Variants in GABBR2 observed in about 807,000 individuals in gnomAD.
GABBR2 encodes gamma-aminobutyric acid type B receptor subunit 2.
GABBR2 carries 23 observed loss-of-function variants against 105.6 expected under a neutral mutation model. The ratio of observed to expected loss-of-function variants is 0.22; its 90% confidence interval spans 0.16 to 0.31. The LOEUF is 0.31. GABBR2 is among the 10% of genes least tolerant of loss of function. The pLI is 1.00. For missense variants in GABBR2, 734 were observed against 1,245.5 expected, an observed-to-expected ratio of 0.59 and a Z score of 6.18; for synonymous variants, 478 against 499.7, an observed-to-expected ratio of 0.96 and a Z score of 0.58.
At chr9:98,422,147 G>C (rs1334879659) in intron 7 of GABBR2, among the ~76,000 whole-genome samples, 3 of 136,928 alleles carry the variant, frequency 2.2e-5, no homozygotes, top group Non-Finnish European at 4.6e-5. Flanking sequence ...CAGAAAAATG[G>C]GTGAAGCATC....
chr9:98,380,631 C>T (rs1831956260), intron 11 of GABBR2, among the ~76,000 whole-genome samples: 1 of 152,218 alleles, frequency 6.6e-6, no homozygotes, highest in Non-Finnish European at 1.5e-5. Flanking sequence ...TCCAGGGAGA[C>T]AGCACGGGGT....
intron 1 of GABBR2, among the ~76,000 whole-genome samples, chr9:98,635,277 G>T (rs963583224): frequency 6.6e-6 from 1 of 152,190 alleles, no homozygotes; most frequent in Non-Finnish European, 1.5e-5. Context: ...CAGCCACTGA[G>T]GTTGGGTGGG....
intron 6 of GABBR2, among the ~76,000 whole-genome samples, chr9:98,462,522 C>G (rs1453745456): frequency 6.6e-6 from 1 of 152,130 alleles, no homozygotes; most frequent in Non-Finnish European, 1.5e-5. Flanking sequence ...AAAAGGGTAT[C>G]AAAATGGCCA....
intron 13 of GABBR2, among the ~76,000 whole-genome samples, chr9:98,317,170 C>T (rs1239003664): frequency 6.6e-6 from 1 of 152,220 alleles, no homozygotes; most frequent in Non-Finnish European, 1.5e-5. Context: ...TGATAAAATG[C>T]TCTTTCCTGC....
chr9:98,501,815 AT>A (rs1320404675), intron 3 of GABBR2, among the ~76,000 whole-genome samples: 1 of 152,102 alleles, frequency 6.6e-6, no homozygotes, highest in East Asian at 1.9e-4. Flanking sequence ...GAAGTCCCAC[AT>A]TTTTCATAAA....
At chr9:98,599,536 G>A (rs1219983389) in intron 1 of GABBR2, among the ~76,000 whole-genome samples, 2 of 152,250 alleles carry the variant, frequency 1.3e-5, no homozygotes, top group Non-Finnish European at 2.9e-5. Flanking sequence ...AGGGTGAGGG[G>A]CCAGTGTTTT....
chr9:98,589,569 C>T (rs898070055), intron 1 of GABBR2, among the ~76,000 whole-genome samples: 1 of 152,042 alleles, frequency 6.6e-6, no homozygotes, highest in African/African-American at 2.4e-5. Flanking sequence ...TTGAGAGAGA[C>T]AAGAAAAGAT....
intron 16 of GABBR2, among the ~76,000 whole-genome samples, chr9:98,301,327 C>T (rs1193181987): frequency 6.6e-6 from 1 of 152,234 alleles, no homozygotes; most frequent in Non-Finnish European, 1.5e-5. Flanking sequence ...TGGAGGCACC[C>T]AGCGGGTGCC....
chr9:98,518,446 G>A (rs72761519), intron 3 of GABBR2, among the ~76,000 whole-genome samples: 20,705 of 152,186 alleles, frequency 0.14, 1,717 homozygotes, highest in Middle Eastern at 0.19. Flanking sequence ...ATCCCCTTAA[G>A]TTTCGGACTT....
chr9:98,433,161 G>A (rs1448861576), intron 7 of GABBR2, among the ~76,000 whole-genome samples: 2 of 152,188 alleles, frequency 1.3e-5, no homozygotes, highest in East Asian at 1.9e-4. Context: ...TTTTGTGTAC[G>A]CTGTGTAAAG....
At chr9:98,680,512 T>C (rs1012623551) in intron 1 of GABBR2, among the ~76,000 whole-genome samples, 16 of 152,074 alleles carry the variant, frequency 1.1e-4, no homozygotes, top group Non-Finnish European at 2.9e-5. Context: ...GGTTTCACCG[T>C]GTTAGCCATG....
At chr9:98,298,560 C>T (rs151220197) in intron 17 of GABBR2, among the ~76,000 whole-genome samples, 3 of 152,310 alleles carry the variant, frequency 2.0e-5, no homozygotes, top group African/African-American at 7.2e-5. Flanking sequence ...AATACTCTTA[C>T]CAACTCTGGT....
intron 1 of GABBR2, among the ~76,000 whole-genome samples, chr9:98,620,259 C>CTCTT (rs1238903048): frequency 6.6e-6 from 1 of 151,356 alleles, no homozygotes; most frequent in Non-Finnish European, 1.5e-5. Flanking sequence ...CTCTCTCTCT[C>CTCTT]TCTCTCTCTC....
intron 1 of GABBR2, among the ~76,000 whole-genome samples, chr9:98,623,917 T>C (rs1481563153): frequency 6.6e-6 from 1 of 152,176 alleles, no homozygotes; most frequent in Non-Finnish European, 1.5e-5. Context: ...GTCTTCTTCA[T>C]ATCCATTTTT....
intron 1 of GABBR2, among the ~76,000 whole-genome samples, chr9:98,683,503 A>G (rs1281511221): frequency 6.6e-6 from 1 of 152,214 alleles, no homozygotes; most frequent in Non-Finnish European, 1.5e-5. Flanking sequence ...TCATGCATGT[A>G]AAAGCCCATA....
At chr9:98,585,450 A>T (rs570171000) in intron 1 of GABBR2, among the ~76,000 whole-genome samples, 33 of 140,654 alleles carry the variant, frequency 2.3e-4, no homozygotes, top group African/African-American at 8.4e-4. Context: ...ATGAGAACAC[A>T]TGGACACAGG....
At chr9:98,520,614 A>G (rs557070495) in intron 3 of GABBR2, among the ~76,000 whole-genome samples, 1 of 152,402 alleles carries the variant, frequency 6.6e-6, no homozygotes, top group African/African-American at 2.4e-5. Context: ...GGGTCTGGGT[A>G]TGCCAGAAGA....
At chr9:98,671,828 G>A (rs879834125) in intron 1 of GABBR2, among the ~76,000 whole-genome samples, 5 of 152,162 alleles carry the variant, frequency 3.3e-5, no homozygotes, top group Non-Finnish European at 5.9e-5. Flanking sequence ...AAGTCCATGA[G>A]GTTGTGGTTA....
At chr9:98,611,545 AAACCC>A (rs1326387738) in intron 1 of GABBR2, among the ~76,000 whole-genome samples, 1 of 152,220 alleles carries the variant, frequency 6.6e-6, no homozygotes, top group African/African-American at 2.4e-5. Context: ...CAAGGTATGT[AAACCC>A]AAGCCATAGG....
Sources: gnomAD v4.1 joint callset for allele counts (sites outside exome capture counted in the v4.1 genomes callset) on GRCh38, gnomAD v4.1.1 for gene constraint, MANE v1.5 for transcripts, NCBI Gene and HGNC (gene_info 2026-07-23, HGNC 2026-07-21) for gene names.